The following CLVS1 variants were observed in gnomAD, a reference collection of about 807,000 sequenced individuals.
CLVS1 encodes the protein clavesin 1.
CLVS1 carries 10 observed loss-of-function variants against 33.1 expected under a neutral mutation model. That is an observed-to-expected ratio of 0.30 (90% CI 0.19 to 0.51). The LOEUF is 0.51. CLVS1 is among the 20% of genes least tolerant of loss of function. The pLI is 0.97. For missense variants in CLVS1, 343 were observed against 433.4 expected, an observed-to-expected ratio of 0.79 and a Z score of 1.85; for synonymous variants, 163 against 166.1, an observed-to-expected ratio of 0.98 and a Z score of 0.14.
intron 2 of CLVS1, among the ~76,000 whole-genome samples, chr8:61,160,486 C>A (rs527292543): frequency 6.6e-6 from 1 of 152,190 alleles, no homozygotes; most frequent in Non-Finnish European, 1.5e-5. Context: ...GTCAAGACTG[C>A]AGGAGCAGAA....
At chr8:61,005,655 A>G in the CLVS1 span, among the ~76,000 whole-genome samples, 1 of 152,228 alleles carries the variant, frequency 6.6e-6, no homozygotes, top group African/African-American at 2.4e-5. Flanking sequence ...GCTGAGCGCT[A>G]CTTTGGAAAA....
intron 2 of CLVS1, among the ~76,000 whole-genome samples, chr8:61,134,684 G>A (rs1474179436): frequency 6.6e-6 from 1 of 152,092 alleles, no homozygotes; most frequent in Non-Finnish European, 1.5e-5. Flanking sequence ...CCATCACAGT[G>A]ATTCTGACAC....
chr8:61,046,717 T>C, the CLVS1 span, among the ~76,000 whole-genome samples: 1 of 152,062 alleles, frequency 6.6e-6, no homozygotes, highest in Non-Finnish European at 1.5e-5. Context: ...CCCTTGTAAG[T>C]TGGATTCCTA....
intron 3 of CLVS1, among the ~76,000 whole-genome samples, chr8:61,389,752 G>A (rs1814227720): frequency 6.6e-6 from 1 of 152,134 alleles, no homozygotes; most frequent in African/African-American, 2.4e-5. Context: ...TATTCAACAA[G>A]CATTACTGAA....
At chr8:61,256,593 C>A (rs1260018450) in intron 2 of CLVS1, among the ~76,000 whole-genome samples, 1 of 151,066 alleles carries the variant, frequency 6.6e-6, no homozygotes, top group Admixed American at 6.6e-5. Context: ...ATCTCAAAAA[C>A]AAAAACAAAA....
chr8:61,009,793 T>G, the CLVS1 span, among the ~76,000 whole-genome samples: 1 of 152,228 alleles, frequency 6.6e-6, no homozygotes, highest in African/African-American at 2.4e-5. Context: ...GGTGTGTGTT[T>G]CAACGCTGGC....
intron 3 of CLVS1, among the ~76,000 whole-genome samples, chr8:61,388,698 C>T (rs1006510066): frequency 3.3e-5 from 5 of 151,866 alleles, no homozygotes; most frequent in East Asian, 1.9e-4. Context: ...TGTCTCAATC[C>T]GTACAATGTA....
chr8:61,121,373 C>G (rs1343282062), intron 1 of CLVS1, among the ~76,000 whole-genome samples: 5 of 152,112 alleles, frequency 3.3e-5, no homozygotes, highest in Non-Finnish European at 7.3e-5. Flanking sequence ...AGAGCTGTTC[C>G]TATTCGGCCA....
chr8:61,395,433 C>A (rs1401013473), intron 3 of CLVS1, among the ~76,000 whole-genome samples: 1 of 152,130 alleles, frequency 6.6e-6, no homozygotes, highest in Non-Finnish European at 1.5e-5. Flanking sequence ...TCGTATATTT[C>A]AAAATTGCTA....
chr8:61,078,644 A>G (rs1804968078), intron 1 of CLVS1, among the ~76,000 whole-genome samples: 1 of 152,132 alleles, frequency 6.6e-6, no homozygotes, highest in Admixed American at 6.5e-5. Flanking sequence ...TTTGGGGGAC[A>G]CTTTTGAGTC....
At position 61,190,072 on chromosome 8, in the gene CLVS1, T is replaced by C. The variant is rs190890278; in HGVS notation, c.-152+58212T>C. On this transcript the variant is annotated intron_variant, in intron 2 of 2. Transcript: ENST00000522621. ...CACCCCAAATCAACAGAATATACAT[T>C]CTTCTCAGCACCACATTGCACTTAT... Among the ~76,000 whole-genome samples the C allele has an allele frequency of 6.9e-3, 1,045 of 152,300 alleles. 17 individuals are homozygous for C. The highest frequency in any genetic ancestry group is 0.024 in the African/African-American group (981 of 41,556).
intron 2 of CLVS1, among the ~76,000 whole-genome samples, chr8:61,225,765 G>A (rs1161270386): frequency 1.3e-5 from 2 of 152,212 alleles, no homozygotes; most frequent in Non-Finnish European, 2.9e-5. Flanking sequence ...ATGTACAATG[G>A]TCTGAGCCAC....
At chr8:61,285,952 C>A (rs942276715), upstream of CLVS1, among the ~76,000 whole-genome samples, 7 of 133,536 alleles carry the variant, frequency 5.2e-5, no homozygotes. Context: ...ATTTTGTTTT[C>A]CCTGTAGTTT....
chr8:61,367,131 A>G (rs1307430293), intron 2 of CLVS1, among the ~76,000 whole-genome samples: 1 of 151,908 alleles, frequency 6.6e-6, no homozygotes, highest in Non-Finnish European at 1.5e-5. Context: ...GTATTGCATC[A>G]CTTCCCTTTA....
Position 61,182,850 on chromosome 8 carries a change from A to G in CLVS1, c.-152+50990A>G, listed in dbSNP as rs563806504. Among the ~76,000 whole-genome samples the G allele has an allele frequency of 1.9e-3, 284 of 151,970 alleles. 1 individual carries two copies. The highest frequency in any genetic ancestry group is 4.4e-3 in the Admixed American group (67 of 15,196). Reference sequence around the variant, plus strand: ...CTACTATAAAGATACATGCACATGTATGTTTATTGCAGCACTATTTACAAT... The same window carrying G: ...CTACTATAAAGATACATGCACATGTGTGTTTATTGCAGCACTATTTACAAT... On this transcript the variant is annotated intron_variant, in intron 2 of 2. Coordinates refer to the CLVS1 transcript ENST00000522621.
intron 1 of CLVS1, among the ~76,000 whole-genome samples, chr8:61,088,797 C>CTTTCCT (rs1805175049): frequency 6.7e-6 from 1 of 148,814 alleles, no homozygotes; most frequent in Non-Finnish European, 1.5e-5. Context: ...TTTTTCTTTT[C>CTTTCCT]TTTTCTTTTT....
At chr8:61,082,514 C>CAAA (rs150234817) in intron 1 of CLVS1, among the ~76,000 whole-genome samples, 47 of 151,914 alleles carry the variant, frequency 3.1e-4, no homozygotes, top group East Asian at 2.9e-3. Context: ...ACAACAACAA[C>CAAA]AAAAAACTGT....
chr8:61,159,410 G>A (rs1806711708), intron 2 of CLVS1, among the ~76,000 whole-genome samples: 1 of 152,318 alleles, frequency 6.6e-6, no homozygotes, highest in Non-Finnish European at 1.5e-5. Flanking sequence ...AGAAGATAAT[G>A]CTGAGAAAGG....
chr8:60,991,657 C>T, the CLVS1 span, among the ~76,000 whole-genome samples: 2 of 152,068 alleles, frequency 1.3e-5, no homozygotes, highest in Non-Finnish European at 1.5e-5. Flanking sequence ...CTGAGCTCTG[C>T]CATGCTCCCT....
Sources: allele counts gnomAD v4.1 joint callset (sites outside exome capture counted in the v4.1 genomes callset), GRCh38; gene constraint gnomAD v4.1.1; transcripts MANE v1.5; gene names NCBI Gene and HGNC (gene_info 2026-07-23, HGNC 2026-07-21).